Variants in ARL13B observed in about 807,000 individuals in gnomAD.
ARL13B encodes the protein ADP-ribosylation factor-like protein 13B.
A neutral mutation model predicts 56.1 loss-of-function variants in ARL13B; 36 were observed. The ratio of observed to expected loss-of-function variants is 0.64; its 90% CI spans 0.49 to 0.85. The LOEUF (loss-of-function observed/expected upper bound fraction) is 0.85, where lower values mean the gene tolerates loss of function less well. ARL13B is among the 40% of genes least tolerant of loss of function. The pLI is 0.00. For synonymous variants in ARL13B, 178 were observed against 171.1 expected, an observed-to-expected ratio of 1.04 and a Z score of -0.32; for missense variants, 519 against 507.1, an observed-to-expected ratio of 1.02 and a Z score of -0.23.
chr3:94,048,101 A>G (rs2077011049), intron 7 of ARL13B: 1 of 152,284 alleles, frequency 6.6e-6, no homozygotes, highest in African/African-American at 2.4e-5. Flanking sequence ...TAATCCCAGC[A>G]CTTTGGGAAG....
chr3:94,044,454 C>T (rs13064526), intron 7 of ARL13B, among the ~76,000 whole-genome samples: 89 of 146,230 alleles, frequency 6.1e-4, no homozygotes, highest in African/African-American at 2.1e-3. Context: ...CGCCTCTGCC[C>T]GGCCACCCCG....
At chr3:94,049,342 G>T in intron 7 of ARL13B, 64 bp from the exon 8 acceptor site, 2 of 946,736 alleles carry the variant, frequency 2.1e-6, no homozygotes, top group Non-Finnish European at 3.3e-6. Flanking sequence ...TGTATTCTTT[G>T]TTTTCTATTA....
intron 3 of ARL13B, among the ~76,000 whole-genome samples, chr3:94,016,906 A>G (rs1008550043): frequency 1.3e-5 from 2 of 152,148 alleles, no homozygotes; most frequent in African/African-American, 4.8e-5. Context: ...TGGCCTCCCA[A>G]AGTGCTGGGA....
intron 3 of ARL13B, among the ~76,000 whole-genome samples, chr3:94,018,375 C>G (rs966597652): frequency 1.3e-5 from 2 of 152,180 alleles, no homozygotes; most frequent in Admixed American, 6.5e-5. Context: ...CCCATCAGCA[C>G]TTAACACAAT....
rs184890166 is a variant in ARL13B, at chr3:94,020,503, A to G, written c.381-14828A>G. ...TGACATAGCATAGCTTTACTATGCT[A>G]TGAAGGTTTTTCAGTGGTGTTAGAT... On this transcript the variant is annotated intron_variant, in intron 3 of 9. Transcript: ENST00000394222. 1.4e-4 allele frequency among the ~76,000 whole-genome samples: 21 copies of G among 152,310 alleles called. No individual in the cohort carries two copies. In the East Asian group the frequency reaches 1.9e-3, roughly 14 times the overall value.
chr3:94,016,649 C>CT (rs11442452), intron 3 of ARL13B, among the ~76,000 whole-genome samples: 53,329 of 142,368 alleles, frequency 0.37, 10,658 homozygotes, highest in East Asian at 0.54. Flanking sequence ...ATTAAGCTTT[C>CT]TTTTTTTTTT....
chr3:93,989,391 G>A (rs1210973063), intron 1 of ARL13B, among the ~76,000 whole-genome samples: 1 of 152,108 alleles, frequency 6.6e-6, no homozygotes, highest in Non-Finnish European at 1.5e-5. Context: ...TGGTAGAGGA[G>A]CCTGTATAAA....
chr3:94,026,131 T>A (rs1354880155), intron 3 of ARL13B, among the ~76,000 whole-genome samples: 2 of 151,944 alleles, frequency 1.3e-5, no homozygotes. Flanking sequence ...GCCATTCTCC[T>A]GCCTCAGCCT....
rs779957620 is a variant in ARL13B, at chr3:93,980,366, C to T, written c.-58C>T. 10 of 1,600,248 alleles carry T rather than the reference C, an allele frequency of 6.2e-6. No homozygotes were observed. The highest frequency in any genetic ancestry group is 1.7e-5 in the Admixed American group (1 of 59,990). The stretch of plus-strand genomic sequence containing the variant: ...AGTGCCGGAGGCCCCCGGGGAAGAG[C>T]GGGGTGCCGGTGTCCGCTCCGGGCT... On this transcript the variant is annotated 5_prime_UTR_variant, in exon 1 of 10. Transcript: ENST00000394222.
At chr3:93,998,783 C>T (rs1245415971) in intron 2 of ARL13B, among the ~76,000 whole-genome samples, 1 of 152,094 alleles carries the variant, frequency 6.6e-6, no homozygotes, top group Non-Finnish European at 1.5e-5. Flanking sequence ...CTTTTTTCTT[C>T]AGGCTGTAAA....
At position 93,980,308 on chromosome 3, in the gene ARL13B, C is replaced by A; in HGVS notation, c.-116C>A. 7.1e-7 allele frequency: 1 copy of A among 1,401,898 alleles called. No homozygotes were observed. 86.8% of individuals were successfully genotyped at this position (1,401,898 alleles called of 1,614,324 possible). On this transcript the variant is annotated 5_prime_UTR_variant, in exon 1 of 10. Transcript: ENST00000394222. ...CGCCTTCACTTCCCTCCCGGCTTTT[C>A]CTCCCGACTTATCCACTTTAGGGGC...
chr3:94,014,626 C>G (rs781279403), intron 3 of ARL13B: 2 of 1,613,488 alleles, frequency 1.2e-6, no homozygotes, highest in South Asian at 1.1e-5. Flanking sequence ...TTCCTTGTGT[C>G]TCTGTTCAAT....
rs1373470767 is a variant in ARL13B at position 94,014,416 on chromosome 3, C to T, written c.380+10508C>T. The T allele has an allele frequency of 1.9e-6, 3 of 1,562,614 alleles. No homozygotes were observed. In the East Asian group the frequency reaches 6.7e-5, roughly 35 times the overall value. On this transcript the variant is annotated intron_variant, in intron 3 of 9. Transcript: ENST00000394222. Reference sequence around the variant, plus strand: ...TGAGCTACAGCATGGACAGCACCAACAACACAGTACTCTGCAAGGATTTCT... The same window carrying T: ...TGAGCTACAGCATGGACAGCACCAATAACACAGTACTCTGCAAGGATTTCT...
chr3:94,027,984 T>A (rs1370610768), intron 3 of ARL13B, among the ~76,000 whole-genome samples: 1 of 152,176 alleles, frequency 6.6e-6, no homozygotes, highest in Non-Finnish European at 1.5e-5. Context: ...AAGCTGCTTT[T>A]CAGAGTGAAA....
intron 3 of ARL13B, among the ~76,000 whole-genome samples, chr3:94,007,621 C>T (rs745823326): frequency 6.6e-6 from 1 of 152,080 alleles, no homozygotes; most frequent in Non-Finnish European, 1.5e-5. Flanking sequence ...TCTCGTGTGA[C>T]TTATTCACTA....
Position 93,980,175 on chromosome 3 carries a change from C to A in ARL13B, c.-249C>A, listed in dbSNP as rs540190743. On this transcript the variant is annotated 5_prime_UTR_variant, in exon 1 of 10. Coordinates refer to ENST00000394222, the MANE Select transcript of ARL13B (RefSeq NM_001174150.2). Reference sequence around the variant, plus strand: ...GCGGGGCTTTTCTTTAGCCGGGTCCCGCTAACTCGGCTACGGTGTATCTGC... The same window carrying A: ...GCGGGGCTTTTCTTTAGCCGGGTCCAGCTAACTCGGCTACGGTGTATCTGC... 1.1e-5 allele frequency: 7 copies of A among 660,038 alleles called. No homozygotes were observed. The highest frequency in any genetic ancestry group is 5.6e-5 in the East Asian group (2 of 35,850). The allele number at this position is 660,038 out of a possible 1,614,324, so 40.9% of individuals were successfully genotyped here.
rs2077099615 is a variant in ARL13B at position 94,053,550 on chromosome 3, C to T, written c.*287C>T. 1.8e-6 allele frequency: 1 copy of T among 554,592 alleles called. No homozygotes were observed. The highest frequency in any genetic ancestry group is 2.2e-5 in the Admixed American group (1 of 45,850). The allele number at this position is 554,592 out of a possible 1,614,324, so 34.4% of individuals were successfully genotyped here. On this transcript the variant is annotated 3_prime_UTR_variant, in exon 10 of 10. Coordinates refer to ENST00000394222, the MANE Select transcript of ARL13B (RefSeq NM_001174150.2). ...TTATACATCCCCACTCATGAGCATA[C>T]TTCTGAAGGAAAACTTTACAAAAAG...
intron 3 of ARL13B, among the ~76,000 whole-genome samples, chr3:94,008,646 C>A (rs1168872481): frequency 6.6e-6 from 1 of 152,078 alleles, no homozygotes; most frequent in Non-Finnish European, 1.5e-5. Context: ...TTTCTACACC[C>A]CCTCTCGCTA....
chr3:94,014,248 G>C (rs2076280105), intron 3 of ARL13B: 1 of 671,218 alleles, frequency 1.5e-6, no homozygotes, highest in African/African-American at 1.9e-5. Flanking sequence ...GTGGGTTAGG[G>C]TTAAAGGGGA....
Sources: gnomAD v4.1 joint callset for allele counts (sites outside exome capture counted in the v4.1 genomes callset) on GRCh38, gnomAD v4.1.1 for gene constraint, MANE v1.5 for transcripts, NCBI Gene and HGNC (gene_info 2026-07-23, HGNC 2026-07-21) for gene names.